Variants in MCM9 observed in about 807,000 individuals in gnomAD.
MCM9 encodes the protein minichromosome maintenance 9 homologous recombination repair factor.
A neutral mutation model predicts 72.8 loss-of-function variants in MCM9; 55 were observed. The ratio of observed to expected loss-of-function variants is 0.76; its 90% CI spans 0.61 to 0.95. The LOEUF (loss-of-function observed/expected upper bound fraction) is 0.95. MCM9 is among the 40% of genes least tolerant of loss of function. The probability of loss-of-function intolerance (pLI) is 0.00; values close to 1 mark genes in which losing one functional copy is unlikely to be tolerated. For missense variants in MCM9, 1,279 were observed against 1,377.0 expected, an observed-to-expected ratio of 0.93 and a Z score of 1.13; for synonymous variants, 480 against 503.4, an observed-to-expected ratio of 0.95 and a Z score of 0.62.
intron 8 of MCM9, among the ~76,000 whole-genome samples, chr6:118,891,814 C>T (rs1051876479): frequency 9.2e-5 from 14 of 152,144 alleles, no homozygotes; most frequent in African/African-American, 3.4e-4. Context: ...ATCTTAGAGC[C>T]GATAAAATCT....
At position 118,879,685 on chromosome 6, in the gene MCM9, G is replaced by A. The variant is rs187008807; in HGVS notation, c.1151-23140C>T. On this transcript the variant is annotated intron_variant, in intron 8 of 13. Transcript: ENST00000619706. The stretch of plus-strand genomic sequence containing the variant: ...ATGTGGCCTTTTACAGAAAAAGGAT[G>A]CCAATTCTTGATCTAGTGTTTTAAT... Among the ~76,000 whole-genome samples the A allele has an allele frequency of 3.4e-3, 514 of 151,888 alleles. 3 individuals carry two copies. Among genetic ancestry groups the A allele is most frequent in the African/African-American group, 0.012 (497 of 41,418 alleles).
At chr6:118,910,329 T>G (rs1051382419) in intron 8 of MCM9, among the ~76,000 whole-genome samples, 1 of 152,130 alleles carries the variant, frequency 6.6e-6, no homozygotes, top group African/African-American at 2.4e-5. Context: ...AGCGTGGCCC[T>G]TTGGGTAGAC....
chr6:118,886,935 A>G (rs1278477773), intron 8 of MCM9, among the ~76,000 whole-genome samples: 1 of 152,210 alleles, frequency 6.6e-6, no homozygotes, highest in African/African-American at 2.4e-5. Context: ...ACTGTGCTCC[A>G]GCCTAAAAAA....
At chr6:118,859,235 C>T (rs1776758973) in intron 8 of MCM9, among the ~76,000 whole-genome samples, 1 of 152,164 alleles carries the variant, frequency 6.6e-6, no homozygotes, top group Non-Finnish European at 1.5e-5. Flanking sequence ...GAATCTTGAT[C>T]ATACCTCACA....
intron 8 of MCM9, among the ~76,000 whole-genome samples, chr6:118,872,316 C>T (rs1324633092): frequency 1.4e-5 from 1 of 72,158 alleles, no homozygotes; most frequent in African/African-American, 3.7e-5. Flanking sequence ...AAGACTCCAT[C>T]TCAAAAAAAA....
At chr6:118,908,621 A>G (rs748191254) in intron 8 of MCM9, 5 of 152,164 alleles carry the variant, frequency 3.3e-5, no homozygotes, top group Non-Finnish European at 7.4e-5. Flanking sequence ...GAGATCAGGC[A>G]TATTTGTGGT....
intron 8 of MCM9, among the ~76,000 whole-genome samples, chr6:118,879,298 C>G (rs561030842): frequency 1.5e-4 from 23 of 148,594 alleles, no homozygotes; most frequent in East Asian, 1.4e-3. Context: ...ACAAGAGACA[C>G]ACTTTAGACT....
intron 8 of MCM9, among the ~76,000 whole-genome samples, chr6:118,895,487 A>G (rs1311579813): frequency 6.6e-6 from 1 of 152,228 alleles, no homozygotes; most frequent in Non-Finnish European, 1.5e-5. Flanking sequence ...GTTGAAATCT[A>G]AAATAACTCC....
intron 8 of MCM9, among the ~76,000 whole-genome samples, chr6:118,877,887 G>C (rs1226378522): frequency 6.6e-6 from 1 of 152,208 alleles, no homozygotes; most frequent in African/African-American, 2.4e-5. Context: ...ACTAGGCCTG[G>C]TGTGGTGGCT....
At chr6:118,912,032 T>C in intron 7 of MCM9, 1 of 237,464 alleles carries the variant, frequency 4.2e-6, no homozygotes. Flanking sequence ...TTAAAAAATA[T>C]CTGGGGCCAG....
At chr6:118,836,871 GTC>G (rs1370013184) in intron 9 of MCM9, among the ~76,000 whole-genome samples, 3 of 151,954 alleles carry the variant, frequency 2.0e-5, no homozygotes, top group African/African-American at 7.3e-5. Flanking sequence ...GTTATTTCTT[GTC>G]TTCTGCTAGC....
chr6:118,871,661 A>C (rs1777600331), intron 8 of MCM9, among the ~76,000 whole-genome samples: 3 of 152,244 alleles, frequency 2.0e-5, no homozygotes, highest in Admixed American at 6.5e-5. Flanking sequence ...TCACGCCTGT[A>C]ATCCCAACAC....
At chr6:118,875,479 A>C (rs1233391779) in intron 8 of MCM9, among the ~76,000 whole-genome samples, 1 of 151,762 alleles carries the variant, frequency 6.6e-6, no homozygotes, top group Non-Finnish European at 1.5e-5. Context: ...TCTACAAAAT[A>C]CCCAAAACTA....
chr6:118,825,529 A>G (rs1416435318), intron 13 of MCM9, among the ~76,000 whole-genome samples: 1 of 152,206 alleles, frequency 6.6e-6, no homozygotes, highest in Non-Finnish European at 1.5e-5. Context: ...CAACACCAGT[A>G]AGAGCTGCAG....
At chr6:118,899,766 C>T (rs1479428701) in intron 8 of MCM9, among the ~76,000 whole-genome samples, 1 of 152,166 alleles carries the variant, frequency 6.6e-6, no homozygotes, top group African/African-American at 2.4e-5. Flanking sequence ...CAAAAATGGC[C>T]ACACATGGTG....
intron 8 of MCM9, among the ~76,000 whole-genome samples, chr6:118,886,280 T>C (rs908012884): frequency 4.6e-5 from 7 of 152,000 alleles, no homozygotes; most frequent in Non-Finnish European, 1.0e-4. Context: ...AAGACAGAGA[T>C]GTTTGCTGTC....
chr6:118,922,105 C>CA lies in MCM9; in HGVS notation c.622-20dup. The CA allele has an allele frequency of 6.3e-7, 1 of 1,587,814 alleles. No individual in the cohort carries two copies. The highest frequency in any genetic ancestry group is 8.6e-7 in the Non-Finnish European group (1 of 1,163,662). On this transcript the variant is annotated intron_variant, in intron 4 of 13. Transcript: ENST00000619706. ...TTTGAACCTAGCAAAGAAAAGAAAA[C>CA]AGATTCTGAGTATGCTTAAATACAT...
intron 9 of MCM9, among the ~76,000 whole-genome samples, chr6:118,843,720 G>GTATA (rs375762540): frequency 0.015 from 1,503 of 101,874 alleles, 24 homozygotes; most frequent in Middle Eastern, 0.037. Flanking sequence ...ATATATATAT[G>GTATA]TATATATATA....
chr6:118,816,530 G>A (rs1172816019), intron 13 of MCM9, among the ~76,000 whole-genome samples: 2 of 152,094 alleles, frequency 1.3e-5, no homozygotes, highest in Non-Finnish European at 2.9e-5. Flanking sequence ...GTAAAATAAA[G>A]AAAATGAAAT....
Sources: gnomAD v4.1 joint callset for allele counts (sites outside exome capture counted in the v4.1 genomes callset) on GRCh38, gnomAD v4.1.1 for gene constraint, MANE v1.5 for transcripts, NCBI Gene and HGNC (gene_info 2026-07-23, HGNC 2026-07-21) for gene names.